UNC119: variants seen among roughly 807,000 people sequenced by gnomAD.
The protein encoded by UNC119 is protein unc-119 homolog A.
A neutral mutation model predicts 22.6 loss-of-function variants in UNC119; 15 were observed. The observed-to-expected ratio is 0.66, with a 90% CI of 0.44 to 1.02. The LOEUF is 1.02. Among genes scored for constraint, UNC119 ranks in the 50% least tolerant of loss-of-function variants. The pLI, the probability that UNC119 is intolerant of heterozygous loss-of-function variation, is 0.00. For synonymous variants in UNC119, 138 were observed against 139.4 expected, an observed-to-expected ratio of 0.99 and a Z score of 0.07; for missense variants, 322 against 336.0, an observed-to-expected ratio of 0.96 and a Z score of 0.33.
At position 28,546,711 on chromosome 17, in the gene UNC119, AGAAAAG is replaced by A. The variant is rs1314373456; in HGVS notation, c.*580_*585del. ...ACAGAGGCTGGCCACACCAGAGAACAGAAAAGGAAAAAGTTTATTGAAAACTATATA... is the reference window on the plus strand; with the variant it reads ...ACAGAGGCTGGCCACACCAGAGAACAGAAAAAGTTTATTGAAAACTATATA... On this transcript the variant is annotated 3_prime_UTR_variant, in exon 5 of 5. Transcript: ENST00000335765. 1.2e-5 allele frequency: 2 copies of A among 167,968 alleles called. No homozygotes were observed. Among genetic ancestry groups the A allele is most frequent in the East Asian group, 3.1e-4 (2 of 6,356 alleles). The allele number at this position is 167,968 out of a possible 1,614,324, so 10.4% of individuals were successfully genotyped here.
chr17:28,552,257 C>A (rs543187013), intron 1 of UNC119, 81 bp downstream of exon 1: 2 of 1,352,264 alleles, frequency 1.5e-6, no homozygotes, highest in Non-Finnish European at 2.0e-6. Flanking sequence ...GGGGCGGGGG[C>A]CAGGGCTTGG....
chr17:28,547,918 GC>G, intron 3 of UNC119, 69 bp from the exon 4 acceptor site: 1 of 1,612,712 alleles, frequency 6.2e-7, no homozygotes, highest in East Asian at 2.2e-5. Context: ...CTCAGGACAG[GC>G]CACCCCTACG....
intron 4 of UNC119, 49 bp from the exon 5 acceptor site, chr17:28,547,458 C>T (rs1433177603): frequency 1.2e-6 from 2 of 1,608,408 alleles, no homozygotes; most frequent in Non-Finnish European, 8.5e-7. Context: ...AGCTTGAGTC[C>T]CGCCACTGCA....
Position 28,547,096 on chromosome 17 carries a change from C to A in UNC119, c.*201G>T. ...GTGGAGGCAAACAGCCTCCCTACGA[C>A]CCCACCCCATGTAGCAGGCCGCATG... On this transcript the variant is annotated 3_prime_UTR_variant, in exon 5 of 5. Coordinates refer to ENST00000335765, the MANE Select transcript of UNC119 (RefSeq NM_005148.4). 3 of 636,050 alleles carry A rather than the reference C, an allele frequency of 4.7e-6. No homozygotes were observed. The highest frequency in any genetic ancestry group is 8.3e-6 in the Non-Finnish European group (3 of 361,746). The allele number at this position is 636,050 out of a possible 1,614,324, so 39.4% of individuals were successfully genotyped here.
rs199591380 is a variant in UNC119 at position 28,548,010 on chromosome 17, C to A, written c.426G>T (p.Gln142His). 1 of 1,613,914 alleles carries A rather than the reference C, an allele frequency of 6.2e-7. No individual in the cohort carries two copies. Among genetic ancestry groups the A allele is most frequent in the Non-Finnish European group, 8.5e-7 (1 of 1,180,026 alleles). The change falls in exon 3 of 5, where the codon CAG (glutamine) becomes CAT (histidine). Residue 142 changes from glutamine (Q) to histidine (H), a missense_variant. Transcript: ENST00000335765. ...GCCCAGCGACTCACGTGGCTCCCAC[C>A]TGCCTCAGGCGGAGGAAGGCAGGCG... ...QFTPAFLRLR[Q>H]VGATVEFTVG...
chr17:28,547,901 A>G, intron 3 of UNC119, 52 bp from the exon 4 acceptor site: 1 of 1,612,694 alleles, frequency 6.2e-7, no homozygotes. Flanking sequence ...TCAACTAGCC[A>G]GCCAGGCTCA....
Position 28,552,406 on chromosome 17 carries a change from G to A in UNC119, c.152C>T (p.Pro51Leu). ...CGGCTGCTTCCTCTGCAGCGGCCCC[G>A]GCCTGGGCCCTGGGCCTGCGTCCGG... ...SEPDAGPGPR[P>L]GPLQRKQPIG... The change falls in exon 1 of 5, where the codon CCG becomes CTG. Residue 51 changes from proline (P) to leucine (L), a missense_variant. Coordinates refer to ENST00000335765, the MANE Select transcript of UNC119 (RefSeq NM_005148.4). 1.3e-6 allele frequency: 2 copies of A among 1,554,324 alleles called. No individual in the cohort carries two copies.
rs1301167850 is a variant in UNC119 at position 28,547,242 on chromosome 17, G to A, written c.*55C>T. ...GGGGTTGAGGGGTGAGCGTTGGGGA[G>A]GTCACAGCTCCCAGCCCAGAACTGG... On this transcript the variant is annotated 3_prime_UTR_variant, in exon 5 of 5. Coordinates refer to ENST00000335765, the MANE Select transcript of UNC119 (RefSeq NM_005148.4). 13 of 1,605,310 alleles carry A rather than the reference G, an allele frequency of 8.1e-6. No homozygotes were observed. In the Admixed American group the frequency reaches 2.2e-4, roughly 27 times the overall value.
At chr17:28,551,933 C>G in intron 1 of UNC119, 1 of 343,834 alleles carries the variant, frequency 2.9e-6, no homozygotes, top group South Asian at 2.4e-5. Flanking sequence ...TCAGCCTCCA[C>G]CTAGCCTCCA....
chr17:28,552,582 T>A lies in UNC119; in HGVS notation c.-25A>T. 5.4e-6 allele frequency: 8 copies of A among 1,485,492 alleles called. No homozygotes were observed. The highest frequency in any genetic ancestry group is 7.1e-6 in the Non-Finnish European group (8 of 1,124,986). 92.0% of individuals were successfully genotyped at this position (1,485,492 alleles called of 1,614,324 possible). A position where few individuals can be genotyped will look rare whatever the true frequency, so the allele number is the denominator to read the frequency against. ...TGGCCTTGCGGGGCCGAGGCTCGCC[T>A]GCTGCTGCCGCCGCTGCCTGCGCCG... On this transcript the variant is annotated 5_prime_UTR_variant, in exon 1 of 5. Transcript: ENST00000335765.
intron 2 of UNC119, 186 bp from the exon 3 acceptor site, chr17:28,548,287 A>T: frequency 1.6e-6 from 1 of 640,780 alleles, no homozygotes. Flanking sequence ...CATGTTCCCA[A>T]TCGCCACTGT....
Position 28,547,159 on chromosome 17 carries a change from C to T in UNC119, c.*138G>A, listed in dbSNP as rs769702241. On this transcript the variant is annotated 3_prime_UTR_variant, in exon 5 of 5. Transcript: ENST00000335765. ...TTGACTGGGGACACCAGGTACCCTTCCTCCCAACATTGACTCAGGGTCCGG... is the reference window on the plus strand; with the variant it reads ...TTGACTGGGGACACCAGGTACCCTTTCTCCCAACATTGACTCAGGGTCCGG... 9.5e-7 allele frequency: 1 copy of T among 1,047,522 alleles called. No homozygotes were observed. The highest frequency in any genetic ancestry group is 1.4e-6 in the Non-Finnish European group (1 of 701,870). 64.9% of individuals were successfully genotyped at this position (1,047,522 alleles called of 1,614,324 possible).
At chr17:28,547,526 T>C (rs941620272) in intron 4 of UNC119, 117 bp from the exon 5 acceptor site, 1 of 1,585,076 alleles carries the variant, frequency 6.3e-7, no homozygotes, top group African/African-American at 1.4e-5. Context: ...CCCCAGCCTC[T>C]TTCTCTACGG....
At position 28,548,704 on chromosome 17, in the gene UNC119, G is replaced by C; in HGVS notation, c.222C>G (p.Asp74Glu). 1.2e-6 allele frequency: 2 copies of C among 1,613,480 alleles called. No individual in the cohort carries two copies. The highest frequency in any genetic ancestry group is 1.7e-6 in the Non-Finnish European group (2 of 1,179,488). The change falls in exon 2 of 5, where the codon GAC becomes GAG. Residue 74 changes from aspartate (D) to glutamate (E), a missense_variant and splice_region_variant. By Grantham distance (45) the Asp-to-Glu change is conservative. Coordinates refer to ENST00000335765, the MANE Select transcript of UNC119 (RefSeq NM_005148.4). ...DVLGLQRITGDYLCSPEENIY... is the reference protein window; with the variant it reads ...DVLGLQRITGEYLCSPEENIY... ...TATTCTCCTCAGGGGAGCAGAGGTA[G>C]TCTAGGGGAAACAGGCAGCTGAGCA...
chr17:28,547,732 G>C lies in UNC119; in HGVS notation c.555C>G (p.Ser185Arg). ...AAATGTGCTCGCAGGTGTTCTTGCTGCTGGGGATGCAGAAGCCAAAGTGGA... is the reference window on the plus strand; with the variant it reads ...AAATGTGCTCGCAGGTGTTCTTGCTCCTGGGGATGCAGAAGCCAAAGTGGA... ...FDFHFGFCIP[S>R]SKNTCEHIYD... The change falls in exon 4 of 5, where the codon AGC (serine) becomes AGG (arginine). Residue 185 changes from serine (S) to arginine (R), a missense_variant. Coordinates refer to ENST00000335765, the MANE Select transcript of UNC119 (RefSeq NM_005148.4). The C allele has an allele frequency of 6.2e-7, 1 of 1,614,236 alleles. No individual in the cohort carries two copies. Among genetic ancestry groups the C allele is most frequent in the Non-Finnish European group, 8.5e-7 (1 of 1,180,040 alleles).
At chr17:28,550,091 G>T (rs1257511789) in intron 1 of UNC119, 1 of 152,292 alleles carries the variant, frequency 6.6e-6, no homozygotes, top group Non-Finnish European at 1.5e-5. Context: ...GGCCCAGCAT[G>T]GACTTTATAC....
chr17:28,552,205 A>T (rs1047868418), intron 1 of UNC119, 133 bp downstream of exon 1: 1 of 805,142 alleles, frequency 1.2e-6, no homozygotes, highest in Non-Finnish European at 2.0e-6. Context: ...AGAGCAGGGG[A>T]CACAGGAGAG....
rs987695054 is a variant in UNC119, at chr17:28,547,005, G to C, written c.*292C>G. ...AGGGGAACACTATTCTGAAACTTGG[G>C]CCCAAGTAGGGCCCAGCTAAGTTGT... is the stretch of plus-strand genomic sequence containing the variant. On this transcript the variant is annotated 3_prime_UTR_variant, in exon 5 of 5. Transcript: ENST00000335765. 2 of 408,690 alleles carry C rather than the reference G, an allele frequency of 4.9e-6. No individual in the cohort carries two copies. Among genetic ancestry groups the C allele is most frequent in the Middle Eastern group, 7.7e-4 (1 of 1,298 alleles). 25.3% of individuals were successfully genotyped at this position (408,690 alleles called of 1,614,324 possible).
chr17:28,552,379 A>C lies in UNC119; in HGVS notation c.179T>G (p.Ile60Ser). The change falls in exon 1 of 5, where the codon ATC becomes AGC. Residue 60 changes from isoleucine (I) to serine (S), a missense_variant. Coordinates refer to ENST00000335765, the MANE Select transcript of UNC119 (RefSeq NM_005148.4). ...RPGPLQRKQP[I>S]GPEDVLGLQR... ...CAGCCCCAGCACGTCCTCCGGCCCG[A>C]TCGGCTGCTTCCTCTGCAGCGGCCC... 6.5e-7 allele frequency: 1 copy of C among 1,548,722 alleles called. No homozygotes were observed. Among genetic ancestry groups the C allele is most frequent in the Non-Finnish European group, 8.7e-7 (1 of 1,154,500 alleles).
Sources: allele counts gnomAD v4.1 joint callset, GRCh38; gene constraint gnomAD v4.1.1; transcripts MANE v1.5; gene names NCBI Gene and HGNC (gene_info 2026-07-23, HGNC 2026-07-21).